Variants in FKBP14 observed in about 807,000 individuals in gnomAD.
The protein encoded by FKBP14 is FKBP prolyl isomerase 14.
FKBP14 carries 20 observed loss-of-function variants against 21.6 expected under a neutral mutation model. That is an observed-to-expected ratio of 0.92 (90% confidence interval 0.65 to 1.34). The LOEUF is 1.34. FKBP14 is among the 40% of genes most tolerant of loss of function. FKBP14 has a pLI of 0.00. For synonymous variants in FKBP14, 79 were observed against 86.7 expected, an observed-to-expected ratio of 0.91 and a Z score of 0.49; for missense variants, 253 against 249.0, an observed-to-expected ratio of 1.02 and a Z score of -0.11.
chr7:30,026,407 C>T lies in FKBP14; in HGVS notation c.102G>A (p.Lys34=), dbSNP rs1790174637. 6.2e-7 allele frequency: 1 copy of T among 1,614,084 alleles called. No individual in the cohort carries two copies. The highest frequency in any genetic ancestry group is 1.7e-5 in the Admixed American group (1 of 60,010). Reference sequence around the variant, plus strand: ...TGGTCTTGCGATGGCAGATGAATGGCTTCTGGAGAACTTCAATTTTCACTT... The same window carrying T: ...TGGTCTTGCGATGGCAGATGAATGGTTTCTGGAGAACTTCAATTTTCACTT... The part of the protein sequence containing the change: ...EPEVKIEVLQ[K]PFICHRKTKG... Residue 34 remains lysine (K), a synonymous_variant, in exon 1 of 4, where the codon AAG becomes AAA. Transcript: ENST00000222803.
In FKBP14 at chr7:30,012,377, A is replaced by G. The variant is rs1319080731; in HGVS notation, c.*2358T>C. On this transcript the variant is annotated 3_prime_UTR_variant, in exon 4 of 4. Transcript: ENST00000222803. The stretch of plus-strand genomic sequence containing the variant: ...TTTTACTTTTCTTGCCCTACTATAG[A>G]TAGCATCAGTAATGTTTATACAGAG... The G allele has an allele frequency of 2.0e-5, 3 of 152,264 alleles. No homozygotes were observed. The highest frequency in any genetic ancestry group is 4.4e-5 in the Non-Finnish European group (3 of 68,054). The allele number at this position is 152,264 out of a possible 1,614,324, so 9.4% of individuals were successfully genotyped here.
chr7:30,026,476 A>G lies in FKBP14; in HGVS notation c.33T>C (p.Thr11=). The G allele has an allele frequency of 6.2e-7, 1 of 1,613,212 alleles. No homozygotes were observed. Among genetic ancestry groups the G allele is most frequent in the Non-Finnish European group, 8.5e-7 (1 of 1,179,710 alleles). Residue 11 remains threonine, a synonymous_variant, in exon 1 of 4, where the codon ACT becomes ACC. Coordinates refer to ENST00000222803, the MANE Select transcript of FKBP14 (RefSeq NM_017946.4). ...CCCCAATCAAAGAAGTGACGAACAG[A>G]GTCAAGACCGCGTTCCACAAGAAAA... MRLFLWNAVL[T]LFVTSLIGAL... is the part of the protein sequence containing the mutation.
chr7:30,009,440 C>A (rs1789674748), downstream of FKBP14, among the ~76,000 whole-genome samples: 1 of 151,988 alleles, frequency 6.6e-6, no homozygotes, highest in South Asian at 2.1e-4. Context: ...ACCATGTTGA[C>A]CAGGTTGGTC....
chr7:30,007,441 C>G (rs1327862979), downstream of FKBP14, among the ~76,000 whole-genome samples: 1 of 152,074 alleles, frequency 6.6e-6, no homozygotes, highest in Non-Finnish European at 1.5e-5. Context: ...ATCTCTTGAC[C>G]TCGTGATCTG....
At chr7:30,025,269 T>C (rs1790144212) in intron 1 of FKBP14, 1 of 152,264 alleles carries the variant, frequency 6.6e-6, no homozygotes, top group Non-Finnish European at 1.5e-5. Flanking sequence ...GGGAAGTCTT[T>C]CCCTTTCCCC....
chr7:30,010,400 A>G (rs2127944856), downstream of FKBP14, among the ~76,000 whole-genome samples: 1 of 152,352 alleles, frequency 6.6e-6, no homozygotes, highest in East Asian at 1.9e-4. Context: ...TTTAAATCAA[A>G]CCACAGCTTT....
chr7:30,018,999 A>G lies in FKBP14; in HGVS notation c.474T>C (p.Asp158=). The part of the protein sequence containing the change: ...DLNDDWKLSK[D]EVKAYLKKEF... ...AGTAGGAAGAAGGAAAGGTCACCTC[A>G]TCTTTAGAGAGTTTCCAGTCATCAT... The change falls in exon 3 of 4, where the codon GAT becomes GAC. Residue 158 remains aspartate (D), a synonymous_variant. Coordinates refer to ENST00000222803, the MANE Select transcript of FKBP14 (RefSeq NM_017946.4). 1.9e-6 allele frequency: 3 copies of G among 1,609,004 alleles called. No individual in the cohort carries two copies. The highest frequency in any genetic ancestry group is 2.5e-6 in the Non-Finnish European group (3 of 1,178,434).
In FKBP14 at chr7:30,014,624, TA is replaced by T; in HGVS notation, c.*110del. 1 of 744,746 alleles carries T rather than the reference TA, an allele frequency of 1.3e-6. No individual in the cohort carries two copies. Among genetic ancestry groups the T allele is most frequent in the Non-Finnish European group, 1.9e-6 (1 of 537,102 alleles). 46.1% of individuals were successfully genotyped at this position (744,746 alleles called of 1,614,324 possible). On this transcript the variant is annotated 3_prime_UTR_variant, in exon 4 of 4. Transcript: ENST00000222803. ...TTAAATAGGAGTCAGAAAAAATATA[TA>T]AAAATAAAAAACAAAGCAAGAAAGA...
intron 2 of FKBP14, among the ~76,000 whole-genome samples, chr7:30,022,109 T>C (rs1413738605): frequency 6.6e-6 from 1 of 152,232 alleles, no homozygotes; most frequent in Non-Finnish European, 1.5e-5. Flanking sequence ...CAGTTTGCTG[T>C]GGGAGACTTA....
chr7:30,012,682 A>G lies in FKBP14; in HGVS notation c.*2053T>C, dbSNP rs139320690. On this transcript the variant is annotated 3_prime_UTR_variant, in exon 4 of 4. Transcript: ENST00000222803. ...AATATGAATGAAAGAAGTAAAACACATCTGGAACCTCGCGTTGTTCAGGGT... is the reference window on the plus strand; with the variant it reads ...AATATGAATGAAAGAAGTAAAACACGTCTGGAACCTCGCGTTGTTCAGGGT... 1 of 152,234 alleles carries G rather than the reference A, an allele frequency of 6.6e-6. No individual in the cohort carries two copies. The highest frequency in any genetic ancestry group is 1.9e-4 in the East Asian group (1 of 5,204). 9.4% of individuals were successfully genotyped at this position (152,234 alleles called of 1,614,324 possible).
At chr7:30,009,337 A>G (rs1315733360), downstream of FKBP14, among the ~76,000 whole-genome samples, 1 of 151,210 alleles carries the variant, frequency 6.6e-6, no homozygotes, top group African/African-American at 2.4e-5. Flanking sequence ...GGTTCAAGTG[A>G]TTCTCCTGCT....
intron 3 of FKBP14, among the ~76,000 whole-genome samples, chr7:30,017,911 G>A (rs1789933431): frequency 6.6e-6 from 1 of 151,998 alleles, no homozygotes; most frequent in Non-Finnish European, 1.5e-5. Context: ...AGGCAGAATT[G>A]CTTGAACCCA....
At chr7:30,022,857 C>T (rs747233477) in intron 1 of FKBP14, 41 bp from the exon 2 acceptor site, 1 of 1,567,426 alleles carries the variant, frequency 6.4e-7, no homozygotes. Flanking sequence ...CTTATTAACT[C>T]TAAAAAATTT....
At chr7:30,010,197 T>C (rs1316073797), downstream of FKBP14, among the ~76,000 whole-genome samples, 1 of 152,208 alleles carries the variant, frequency 6.6e-6, no homozygotes, top group African/African-American at 2.4e-5. Context: ...TTTATAGCAC[T>C]GATTTACGCA....
At chr7:30,015,315 G>A (rs1397987755) in intron 3 of FKBP14, among the ~76,000 whole-genome samples, 1 of 152,074 alleles carries the variant, frequency 6.6e-6, no homozygotes, top group Non-Finnish European at 1.5e-5. Flanking sequence ...CTATTCAGGA[G>A]GCTGAGGCAG....
downstream of FKBP14, among the ~76,000 whole-genome samples, chr7:30,006,758 C>G (rs536535151): frequency 8.0e-4 from 122 of 152,284 alleles, no homozygotes; most frequent in Middle Eastern, 3.4e-3. Context: ...CACCAACAAC[C>G]CACTGACCAC....
At chr7:30,024,364 T>C (rs1415144827) in intron 1 of FKBP14, among the ~76,000 whole-genome samples, 1 of 152,252 alleles carries the variant, frequency 6.6e-6, no homozygotes, top group Non-Finnish European at 1.5e-5. Context: ...GCTATGGTTC[T>C]AGAGATGGCA....
chr7:30,014,806 C>T lies in FKBP14; in HGVS notation c.565G>A (p.Asp189Asn). ...HHDALVEDIF[D>N]KEDEDKDGFI... ...CCATCTTTGTCTTCATCTTCTTTATCAAAAATATCCTCCACCAAAGCATCA... is the reference window on the plus strand; with the variant it reads ...CCATCTTTGTCTTCATCTTCTTTATTAAAAATATCCTCCACCAAAGCATCA... Residue 189 changes from aspartate (D) to asparagine (N), a missense_variant, in exon 4 of 4, where the codon GAT becomes AAT. Physicochemically the swap from Asp to Asn is conservative, Grantham distance 23. Coordinates refer to ENST00000222803, the MANE Select transcript of FKBP14 (RefSeq NM_017946.4). The T allele has an allele frequency of 6.2e-7, 1 of 1,611,258 alleles. No individual in the cohort carries two copies.
downstream of FKBP14, among the ~76,000 whole-genome samples, chr7:30,009,819 G>A (rs1789680911): frequency 7.1e-6 from 1 of 141,218 alleles, no homozygotes; most frequent in Non-Finnish European, 1.5e-5. Flanking sequence ...GAGAAACCCT[G>A]TCTCTACTAA....
Sources: allele counts gnomAD v4.1 joint callset (sites outside exome capture counted in the v4.1 genomes callset), GRCh38; gene constraint gnomAD v4.1.1; transcripts MANE v1.5; gene names NCBI Gene and HGNC (gene_info 2026-07-23, HGNC 2026-07-21).